Variants in SUPT16H observed in about 807,000 individuals in gnomAD.
The protein encoded by SUPT16H is SPT16 homolog, facilitates chromatin remodeling subunit, also known as FACT complex subunit SPT16.
Under a neutral mutation model 136.2 loss-of-function variants are expected in SUPT16H, and 24 were observed. The ratio of observed to expected loss-of-function variants is 0.18; its 90% confidence interval spans 0.13 to 0.25. The LOEUF (loss-of-function observed/expected upper bound fraction) is 0.25. Among genes scored for constraint, SUPT16H ranks in the 10% least tolerant of loss-of-function variants. The probability of loss-of-function intolerance (pLI) is 1.00; values close to 1 mark genes in which losing one functional copy is unlikely to be tolerated. For missense variants in SUPT16H, 623 were observed against 1,270.2 expected (o/e 0.49, Z 7.74); for synonymous variants, 415 against 428.2 (o/e 0.97, Z 0.38).
Position 21,353,472 on chromosome 14 carries a change from A to C in SUPT16H, c.2998+16T>G. On this transcript the variant is annotated intron_variant, in intron 25 of 25. Transcript: ENST00000216297. ...TGCGTAGACAAATGAATAAAAAACA[A>C]CACATTTTTAAAAACCTTTTCGGGC... 6.2e-7 allele frequency: 1 copy of C among 1,610,774 alleles called. No homozygotes were observed. Among genetic ancestry groups the C allele is most frequent in the Non-Finnish European group, 8.5e-7 (1 of 1,178,846 alleles).
chr14:21,355,422 G>T lies in SUPT16H; in HGVS notation c.2661-882C>A, dbSNP rs369622608. ...GCAGGAGAATCGCTTGAACCTGGGA[G>T]GTGGAGGTTGCAGTGAGCCGAGATC... On this transcript the variant is annotated intron_variant, in intron 22 of 25. Transcript: ENST00000216297. Among the ~76,000 whole-genome samples, 14 of 151,622 alleles carry T rather than the reference G, an allele frequency of 9.2e-5. No homozygotes were observed. In the East Asian group the frequency reaches 1.2e-3, roughly 13 times the overall value.
chr14:21,360,581 CA>C, intron 17 of SUPT16H, 48 bp from the exon 18 acceptor site: 1 of 1,501,644 alleles, frequency 6.7e-7, no homozygotes, highest in South Asian at 1.2e-5. Flanking sequence ...TAAGTTAGGC[CA>C]AAAGGCACTG....
rs8013617 is a variant in SUPT16H at position 21,361,597 on chromosome 14, G to A, written c.1794-384C>T. On this transcript the variant is annotated intron_variant, in intron 15 of 25. Transcript: ENST00000216297. The stretch of plus-strand genomic sequence containing the variant: ...CTCCCGAAGTGCTGGGATTACAGGC[G>A]TGAGCCACCATGCATGCCCATTCCT... 9.8e-3 allele frequency among the ~76,000 whole-genome samples: 1,491 copies of A among 152,094 alleles called. 23 individuals are homozygous for A. The highest frequency in any genetic ancestry group is 0.032 in the African/African-American group (1,320 of 41,476).
chr14:21,357,713 T>G (rs1282132807), intron 21 of SUPT16H, among the ~76,000 whole-genome samples: 1 of 152,194 alleles, frequency 6.6e-6, no homozygotes, highest in Non-Finnish European at 1.5e-5. Flanking sequence ...TGGCCTCAAG[T>G]GTTCCTCCCA....
intron 5 of SUPT16H, 184 bp downstream of exon 5, chr14:21,369,566 G>A: frequency 3.1e-6 from 3 of 973,244 alleles, no homozygotes; most frequent in Non-Finnish European, 4.5e-6. Flanking sequence ...GTAAAATAAT[G>A]GGTTACCTCA....
intron 25 of SUPT16H, among the ~76,000 whole-genome samples, chr14:21,353,164 T>C (rs1886358610): frequency 6.6e-6 from 1 of 152,230 alleles, no homozygotes; most frequent in South Asian, 2.1e-4. Flanking sequence ...TAAAGTATTA[T>C]AGGATTTAGG....
Position 21,352,516 on chromosome 14 carries a change from C to G in SUPT16H, c.*157G>C, listed in dbSNP as rs1886334816. The G allele has an allele frequency of 3.3e-6, 4 of 1,211,600 alleles. No homozygotes were observed. In the South Asian group the frequency reaches 4.4e-5, roughly 13 times the overall value. 75.1% of individuals were successfully genotyped at this position (1,211,600 alleles called of 1,614,324 possible). A position where few individuals can be genotyped will look rare whatever the true frequency, so the allele number is the denominator to read the frequency against. Reference sequence around the variant, plus strand: ...CGTGTCCTGGTGGGCCTGGAATTCCCCGAGTAGATTGGTCCACACAAATGG... The same window carrying G: ...CGTGTCCTGGTGGGCCTGGAATTCCGCGAGTAGATTGGTCCACACAAATGG... On this transcript the variant is annotated 3_prime_UTR_variant, in exon 26 of 26. Coordinates refer to ENST00000216297, the MANE Select transcript of SUPT16H (RefSeq NM_007192.4).
rs1886364660 is a variant in SUPT16H, at chr14:21,353,381, CTT to C, written c.2998+105_2998+106del. ...GGCTCCAAAGCACTTTTATAGTGTT[CTT>C]TTGTTACTTTCATTACGCCATCAAT... On this transcript the variant is annotated intron_variant, in intron 25 of 25. Transcript: ENST00000216297. 5 of 1,134,800 alleles carry C rather than the reference CTT, an allele frequency of 4.4e-6. No homozygotes were observed. The East Asian group carries it at 1.2e-4, about 27-fold the overall frequency. 70.3% of individuals were successfully genotyped at this position (1,134,800 alleles called of 1,614,324 possible).
chr14:21,372,397 C>T (rs553528582), intron 2 of SUPT16H: 3 of 308,766 alleles, frequency 9.7e-6, no homozygotes, highest in African/African-American at 2.2e-5. Context: ...CAGAACCCTG[C>T]GTTATTACCT....
rs112366099 is a variant in SUPT16H at position 21,363,646 on chromosome 14, C to T, written c.1234-143G>A. On this transcript the variant is annotated intron_variant, in intron 10 of 25. Coordinates refer to ENST00000216297, the MANE Select transcript of SUPT16H (RefSeq NM_007192.4). ...ATAAATATAGTTTTTATCCTTCTAA[C>T]CTCTAACCTCTCGTCAGGAGCTACA... 3.0e-5 allele frequency: 21 copies of T among 706,122 alleles called. No homozygotes were observed. The African/African-American group carries it at 3.4e-4, about 12-fold the overall frequency. The allele number at this position is 706,122 out of a possible 1,614,324, so 43.7% of individuals were successfully genotyped here. A position where few individuals can be genotyped will look rare whatever the true frequency, so the allele number is the denominator to read the frequency against.
At chr14:21,362,088 G>C (rs1886568826) in intron 15 of SUPT16H, 109 bp downstream of exon 15, 1 of 1,339,906 alleles carries the variant, frequency 7.5e-7, no homozygotes, top group African/African-American at 1.5e-5. Context: ...CAATGAGGAA[G>C]GCTTTGACAT....
chr14:21,375,309 C>T (rs1886877689), intron 1 of SUPT16H, among the ~76,000 whole-genome samples: 2 of 152,188 alleles, frequency 1.3e-5, no homozygotes, highest in Non-Finnish European at 2.9e-5. Flanking sequence ...GCCACCACGC[C>T]CGGCCCTCAC....
At chr14:21,357,043 A>G (rs960241766) in intron 22 of SUPT16H, among the ~76,000 whole-genome samples, 154 bp downstream of exon 22, 2 of 152,218 alleles carry the variant, frequency 1.3e-5, no homozygotes, top group Non-Finnish European at 2.9e-5. Context: ...TCCGTTATCT[A>G]ATAGATCTCA....
chr14:21,354,282 A>G lies in SUPT16H; in HGVS notation c.2790+129T>C, dbSNP rs1157725961. ...AATTTATCAATTTGAAGAAACAATA[A>G]TATCAAGTGGTGTTTAGAGCTTCTC... On this transcript the variant is annotated intron_variant, in intron 23 of 25. Transcript: ENST00000216297. 10 of 1,055,948 alleles carry G rather than the reference A, an allele frequency of 9.5e-6. No homozygotes were observed. In the Middle Eastern group the frequency reaches 6.6e-4, roughly 70 times the overall value. 65.4% of individuals were successfully genotyped at this position (1,055,948 alleles called of 1,614,324 possible).
chr14:21,362,183 T>C lies in SUPT16H; in HGVS notation c.1793+14A>G, dbSNP rs759876333. ...ACAAGATGAATCTGGGTATGACTTT[T>C]CTTGGGGACTCACATTTCCTTGACA... On this transcript the variant is annotated intron_variant, in intron 15 of 25. Coordinates refer to ENST00000216297, the MANE Select transcript of SUPT16H (RefSeq NM_007192.4). 1 of 1,610,244 alleles carries C rather than the reference T, an allele frequency of 6.2e-7. No individual in the cohort carries two copies. Among genetic ancestry groups the C allele is most frequent in the Admixed American group, 1.7e-5 (1 of 59,440 alleles).
intron 17 of SUPT16H, 134 bp from the exon 18 acceptor site, chr14:21,360,667 C>T (rs1886532151): frequency 8.3e-7 from 1 of 1,206,740 alleles, no homozygotes; most frequent in South Asian, 1.5e-5. Context: ...TCCTTCTGGC[C>T]ACACAGCAGT....
intron 5 of SUPT16H, 56 bp downstream of exon 5, chr14:21,369,694 G>T: frequency 6.2e-7 from 1 of 1,600,474 alleles, no homozygotes; most frequent in Non-Finnish European, 8.5e-7. Flanking sequence ...GATTTGCATG[G>T]TAGACTTATT....
At chr14:21,383,178 G>C (rs1362623192) in intron 1 of SUPT16H, 1 of 160,076 alleles carries the variant, frequency 6.2e-6, no homozygotes, top group African/African-American at 2.4e-5. Context: ...AAAAAACTGG[G>C]AACTGCCACA....
intron 19 of SUPT16H, 145 bp downstream of exon 19, chr14:21,359,336 TCTG>T: frequency 1.9e-6 from 2 of 1,062,946 alleles, no homozygotes; most frequent in Non-Finnish European, 2.7e-6. Context: ...CCTCAGGTGA[TCTG>T]CCCATGTTGG....
Sources: allele counts gnomAD v4.1 joint callset (sites outside exome capture counted in the v4.1 genomes callset), GRCh38; gene constraint gnomAD v4.1.1; transcripts MANE v1.5; gene names NCBI Gene and HGNC (gene_info 2026-07-23, HGNC 2026-07-21).